Variants in MYO1B observed in about 807,000 individuals in gnomAD.
MYO1B encodes myosin IB.
MYO1B carries 72 observed loss-of-function variants against 159.7 expected under a neutral mutation model. The observed-to-expected ratio is 0.45, with a 90% CI of 0.37 to 0.55. The LOEUF is 0.55. Ranked by LOEUF, MYO1B falls within the 20% of genes least tolerant of loss-of-function variation. MYO1B has a pLI of 0.00. For missense variants in MYO1B, 1,062 were observed against 1,364.8 expected (o/e 0.78, Z 3.50); for synonymous variants, 468 against 473.8 (o/e 0.99, Z 0.16).
At chr2:191,270,464 C>T (rs916755053) in intron 1 of MYO1B, among the ~76,000 whole-genome samples, 1 of 152,094 alleles carries the variant, frequency 6.6e-6, no homozygotes, top group Non-Finnish European at 1.5e-5. Flanking sequence ...GGAGGTACCA[C>T]GATGTTCACT....
At chr2:191,369,029 C>T (rs1694193017) in intron 11 of MYO1B, among the ~76,000 whole-genome samples, 1 of 151,998 alleles carries the variant, frequency 6.6e-6, no homozygotes, top group South Asian at 2.1e-4. Flanking sequence ...TTGCAGATTC[C>T]ATCAGTCAAA....
At position 191,390,382 on chromosome 2, in the gene MYO1B, C is replaced by T. The variant is rs367794082; in HGVS notation, c.1872C>T (p.Asn624=). The part of the protein sequence containing the change: ...HQIRYLGLLE[N]VRVRRAGYAF... ...TCAGGTACCTGGGGCTTTTGGAGAA[C>T]GTCCGAGTGCGGAGGGCAGGCTACG... Residue 624 remains asparagine (N), a synonymous_variant, in exon 18 of 31, where the codon AAC becomes AAT. Transcript: ENST00000392318. 1.4e-5 allele frequency: 22 copies of T among 1,614,108 alleles called. No homozygotes were observed. The highest frequency in any genetic ancestry group is 6.7e-5 in the African/African-American group (5 of 74,946).
At position 191,326,817 on chromosome 2, in the gene MYO1B, C is replaced by T. The variant is rs200887275; in HGVS notation, c.252-3118C>T. Among the ~76,000 whole-genome samples, 134 of 101,828 alleles carry T rather than the reference C, an allele frequency of 1.3e-3. 1 individual carries two copies. Among genetic ancestry groups the T allele is most frequent in the East Asian group, 4.3e-3 (12 of 2,782 alleles). The allele number at this position is 101,828 out of a possible 152,430, so 66.8% of individuals were successfully genotyped here. On this transcript the variant is annotated intron_variant, in intron 3 of 30. Transcript: ENST00000392318. ...GTGTGTGTGTGTGTGTGTGTGTGTG[C>T]GCGCGCCATATATGTTACTCATTTT...
rs145488983 is a variant in MYO1B, at chr2:191,299,057, A to G, written c.251+2831A>G. Among the ~76,000 whole-genome samples the G allele has an allele frequency of 1.9e-3, 292 of 152,292 alleles. 1 individual carries two copies. The highest frequency in any genetic ancestry group is 6.8e-3 in the African/African-American group (281 of 41,566). ...ATGCTCTTTTTGCATTTTCAGCTTT[A>G]ATCTCCATTCTGGGAATGTTTAGAT... On this transcript the variant is annotated intron_variant, in intron 3 of 30. Coordinates refer to ENST00000392318, the MANE Select transcript of MYO1B (RefSeq NM_001130158.3).
At chr2:191,346,195 T>C in intron 5 of MYO1B, 41 bp from the exon 6 acceptor site, 1 of 1,422,660 alleles carries the variant, frequency 7.0e-7, no homozygotes, top group Non-Finnish European at 9.6e-7. Flanking sequence ...CTTGAGATTA[T>C]TATTATTTTT....
At chr2:191,273,997 G>A (rs1273466298) in intron 1 of MYO1B, among the ~76,000 whole-genome samples, 2 of 152,072 alleles carry the variant, frequency 1.3e-5, no homozygotes, top group Admixed American at 6.5e-5. Flanking sequence ...TAGAGATGGT[G>A]GTCACAATAC....
At position 191,364,103 on chromosome 2, in the gene MYO1B, T is replaced by G. The variant is rs199939740; in HGVS notation, c.914-55T>G. 174 of 1,427,418 alleles carry G rather than the reference T, an allele frequency of 1.2e-4. 1 individual carries two copies. The highest frequency in any genetic ancestry group is 1.7e-4 in the Non-Finnish European group (167 of 1,011,760). 88.4% of individuals were successfully genotyped at this position (1,427,418 alleles called of 1,614,324 possible). On this transcript the variant is annotated intron_variant, in intron 10 of 30. Transcript: ENST00000392318. Reference sequence around the variant, plus strand: ...AGAACATCCTAAGCCTTCAAAATTATTATTAGCAGCACGTGTACAGTCACT... The same window carrying G: ...AGAACATCCTAAGCCTTCAAAATTAGTATTAGCAGCACGTGTACAGTCACT...
chr2:191,283,179 CTT>C lies in MYO1B; in HGVS notation c.135+6150_135+6151del, dbSNP rs552911064. Among the ~76,000 whole-genome samples the C allele has an allele frequency of 1.6e-3, 241 of 152,344 alleles. 1 individual carries two copies. Among genetic ancestry groups the C allele is most frequent in the African/African-American group, 5.7e-3 (235 of 41,586 alleles). ...TTTGGTGATTGGAAAATTTCTTCCT[CTT>C]AGAATTTTCAAAGTTGACACATATT... On this transcript the variant is annotated intron_variant, in intron 2 of 30. Transcript: ENST00000392318.
At chr2:191,337,485 A>G (rs1053114045) in intron 4 of MYO1B, among the ~76,000 whole-genome samples, 2 of 152,140 alleles carry the variant, frequency 1.3e-5, no homozygotes, top group Non-Finnish European at 2.9e-5. Context: ...CTGATCCAGA[A>G]GTATTTTGTA....
intron 7 of MYO1B, among the ~76,000 whole-genome samples, chr2:191,359,657 C>G (rs989346291): frequency 2.0e-5 from 3 of 152,110 alleles, no homozygotes; most frequent in Non-Finnish European, 4.4e-5. Flanking sequence ...ATGATCGTTC[C>G]TAGATTAAAT....
intron 19 of MYO1B, 36 bp from the exon 20 acceptor site, chr2:191,393,037 G>C (rs1695850670): frequency 6.3e-7 from 1 of 1,592,478 alleles, no homozygotes; most frequent in Admixed American, 1.7e-5. Flanking sequence ...AGGTTTCAGA[G>C]GATTTTTGAT....
Position 191,302,101 on chromosome 2 carries a change from C to T in MYO1B, c.251+5875C>T, listed in dbSNP as rs560834623. ...TCTCATACCCTGTACCTTATCTCCA[C>T]TGTTAAAATCCTGCCAGTCTTCTAT... On this transcript the variant is annotated intron_variant, in intron 3 of 30. Transcript: ENST00000392318. Among the ~76,000 whole-genome samples the T allele has an allele frequency of 3.9e-5, 6 of 152,322 alleles. No homozygotes were observed. The South Asian group carries it at 1.0e-3, about 26-fold the overall frequency.
rs764108662 is a variant in MYO1B at position 191,414,142 on chromosome 2, G to T, written c.2968G>T (p.Ala990Ser). 8 of 1,613,404 alleles carry T rather than the reference G, an allele frequency of 5.0e-6. No homozygotes were observed. The highest frequency in any genetic ancestry group is 5.1e-6 in the Non-Finnish European group (6 of 1,179,676). ...TGCCATTGAAGAAAAGATCATCATT[G>T]CTGAAGTCGTGAACAAAATTAACCG... Reference protein sequence around the residue: ...KDAIEEKIIIAEVVNKINRAN... With the variant: ...KDAIEEKIIISEVVNKINRAN... The change falls in exon 28 of 31, where the codon GCT becomes TCT. Residue 990 changes from alanine to serine, a missense_variant. Ala to Ser is a moderately conservative substitution (Grantham distance 99). This residue lies in a region of MYO1B where 609 missense variants were observed against 744.4 expected (regional missense o/e 0.82). Transcript: ENST00000392318.
intron 10 of MYO1B, 73 bp from the exon 11 acceptor site, chr2:191,364,085 C>T (rs1200262062): frequency 2.4e-5 from 32 of 1,339,944 alleles, no homozygotes; most frequent in South Asian, 6.0e-5. Flanking sequence ...GAAAGAACAT[C>T]CTAAGCCTTC....
Position 191,409,681 on chromosome 2 carries a change from C to T in MYO1B, c.2766+503C>T, listed in dbSNP as rs534998724. Among the ~76,000 whole-genome samples the T allele has an allele frequency of 2.8e-3, 430 of 152,280 alleles. 3 individuals carry two copies. Among genetic ancestry groups the T allele is most frequent in the South Asian group, 6.6e-3 (32 of 4,816 alleles). ...CTGTCCCTAAAGATAGTAACACATTCTCTATCTAAATTACAGGGAAGCTGG... is the reference window on the plus strand; with the variant it reads ...CTGTCCCTAAAGATAGTAACACATTTTCTATCTAAATTACAGGGAAGCTGG... On this transcript the variant is annotated intron_variant, in intron 26 of 30. Coordinates refer to ENST00000392318, the MANE Select transcript of MYO1B (RefSeq NM_001130158.3).
chr2:191,309,562 A>C (rs1342201426), intron 3 of MYO1B, among the ~76,000 whole-genome samples: 2 of 152,140 alleles, frequency 1.3e-5, no homozygotes, highest in African/African-American at 4.8e-5. Context: ...TGTGGCCTGC[A>C]TGGCTCCACT....
intron 4 of MYO1B, among the ~76,000 whole-genome samples, chr2:191,335,281 C>G (rs1158801995): frequency 6.6e-6 from 1 of 152,150 alleles, no homozygotes; most frequent in Non-Finnish European, 1.5e-5. Context: ...TGTAGACATA[C>G]AGTGGTTTGC....
chr2:191,409,718 A>G (rs914455032), intron 26 of MYO1B, among the ~76,000 whole-genome samples: 1 of 152,198 alleles, frequency 6.6e-6, no homozygotes, highest in African/African-American at 2.4e-5. Flanking sequence ...AATCTGTTTT[A>G]TACTGCCTTT....
At chr2:191,253,946 TCTTTCATACCG>T (rs1686280887) in intron 1 of MYO1B, among the ~76,000 whole-genome samples, 1 of 152,264 alleles carries the variant, frequency 6.6e-6, no homozygotes, top group African/African-American at 2.4e-5. Flanking sequence ...TATGTAAAAC[TCTTTCATACCG>T]CTTGTTAGAT....
Sources: gnomAD v4.1 joint callset for allele counts (sites outside exome capture counted in the v4.1 genomes callset) on GRCh38, gnomAD v4.1.1 for gene constraint, gnomAD v4.1.1 regional missense constraint, MANE v1.5 for transcripts, NCBI Gene and HGNC (gene_info 2026-07-23, HGNC 2026-07-21) for gene names.